CD86: variants seen among roughly 807,000 people sequenced by gnomAD.
CD86 encodes T-lymphocyte activation antigen CD86.
Under a neutral mutation model 32.1 loss-of-function variants are expected in CD86, and 11 were observed. The observed-to-expected ratio is 0.34, with a 90% CI of 0.22 to 0.57. The LOEUF (loss-of-function observed/expected upper bound fraction) is 0.57, where lower values mean the gene tolerates loss of function less well. Among genes scored for constraint, CD86 ranks in the 20% least tolerant of loss-of-function variants. The pLI, the probability that CD86 is intolerant of heterozygous loss-of-function variation, is 0.86. For synonymous variants in CD86, 137 were observed against 135.3 expected, an observed-to-expected ratio of 1.01 and a Z score of -0.09; for missense variants, 359 against 398.4, an observed-to-expected ratio of 0.90 and a Z score of 0.84.
In CD86 at chr3:122,109,690, T is replaced by C. The variant is rs552968595; in HGVS notation, c.847+282T>C. Among the ~76,000 whole-genome samples the C allele has an allele frequency of 1.3e-4, 20 of 152,342 alleles. No homozygotes were observed. The South Asian group carries it at 4.1e-3, about 32-fold the overall frequency. On this transcript the variant is annotated intron_variant, in intron 5 of 6. Coordinates refer to ENST00000330540, the MANE Select transcript of CD86 (RefSeq NM_175862.5). ...TTATTACTTGCTTTATCTACCTCAC[T>C]TCATGAGGTTACTGTGACATATACA...
intron 2 of CD86, among the ~76,000 whole-genome samples, chr3:122,094,135 A>C (rs920717324): frequency 1.3e-5 from 2 of 152,202 alleles, no homozygotes; most frequent in African/African-American, 4.8e-5. Context: ...CCCAGCTCTC[A>C]AGATCTGGGA....
chr3:122,081,809 T>A (rs1403593493), intron 1 of CD86, among the ~76,000 whole-genome samples: 1 of 152,192 alleles, frequency 6.6e-6, no homozygotes, highest in Non-Finnish European at 1.5e-5. Context: ...GACTCACCTG[T>A]CAAAGCTCAG....
rs981251180 is a variant in CD86, at chr3:122,119,605, T to C, written c.*71T>C. The C allele has an allele frequency of 3.9e-5, 38 of 984,822 alleles. No individual in the cohort carries two copies. The highest frequency in any genetic ancestry group is 5.7e-5 in the Non-Finnish European group (36 of 629,312). The allele number at this position is 984,822 out of a possible 1,614,324, so 61.0% of individuals were successfully genotyped here. On this transcript the variant is annotated 3_prime_UTR_variant, in exon 7 of 7. Coordinates refer to ENST00000330540, the MANE Select transcript of CD86 (RefSeq NM_175862.5). ...CTTTGTAAGTTCCTGGGCAACCTTT[T>C]TGATTTCTTCCAGAAGGCAAAAAGA...
At chr3:122,101,512 AAAT>A (rs1244367555) in intron 2 of CD86, among the ~76,000 whole-genome samples, 14 of 26,772 alleles carry the variant, frequency 5.2e-4, no homozygotes, top group African/African-American at 1.3e-3. Context: ...AAAAAAAAAA[AAAT>A]ATATATATAT....
chr3:122,114,110 G>A (rs557126701), intron 5 of CD86, among the ~76,000 whole-genome samples: 72 of 152,006 alleles, frequency 4.7e-4, no homozygotes, highest in Non-Finnish European at 7.8e-4. Context: ...AATTAGCTGG[G>A]TGTGGTGGCA....
chr3:122,112,852 A>T (rs1054854882), intron 5 of CD86, among the ~76,000 whole-genome samples: 2 of 152,054 alleles, frequency 1.3e-5, no homozygotes, highest in African/African-American at 4.8e-5. Context: ...CAAAATTTTT[A>T]TTTGAATAGT....
chr3:122,106,441 C>A lies in CD86; in HGVS notation c.644C>A (p.Thr215Asn). ...TTCCCTGATGTTACGAGCAATATGA[C>A]CATCTTCTGTATTCTGGAAACTGAC... ...VSFPDVTSNM[T>N]IFCILETDKT... Residue 215 changes from threonine (T) to asparagine (N), a missense_variant, in exon 4 of 7, where the codon ACC becomes AAC. Thr to Asn is a moderately conservative substitution (Grantham distance 65). Transcript: ENST00000330540. 1 of 1,613,830 alleles carries A rather than the reference C, an allele frequency of 6.2e-7. No homozygotes were observed. Among genetic ancestry groups the A allele is most frequent in the East Asian group, 2.2e-5 (1 of 44,876 alleles).
intron 1 of CD86, among the ~76,000 whole-genome samples, chr3:122,068,622 A>G: frequency 6.6e-6 from 1 of 152,226 alleles, no homozygotes; most frequent in Non-Finnish European, 1.5e-5. Context: ...TTGAGTTCTG[A>G]AAGGTGACAT....
chr3:122,060,506 A>T (rs2072317325), intron 1 of CD86, among the ~76,000 whole-genome samples: 1 of 152,132 alleles, frequency 6.6e-6, no homozygotes, highest in South Asian at 2.1e-4. Flanking sequence ...AACAGAGCTG[A>T]GGTCAATGGC....
intron 2 of CD86, among the ~76,000 whole-genome samples, chr3:122,096,617 T>C (rs2072912548): frequency 6.6e-6 from 1 of 152,222 alleles, no homozygotes; most frequent in Admixed American, 6.5e-5. Flanking sequence ...ATTTCTTTAA[T>C]CCTCACAACA....
chr3:122,088,016 G>A (rs1187496316), intron 1 of CD86, among the ~76,000 whole-genome samples: 1 of 152,088 alleles, frequency 6.6e-6, no homozygotes, highest in East Asian at 1.9e-4. Context: ...TTGAATGAAA[G>A]GTGATTTGTT....
intron 1 of CD86, among the ~76,000 whole-genome samples, chr3:122,079,170 A>G (rs1462852508): frequency 6.6e-6 from 1 of 152,214 alleles, no homozygotes; most frequent in Non-Finnish European, 1.5e-5. Flanking sequence ...ATAGTGCTTT[A>G]AAGGGAAGGA....
intron 1 of CD86, among the ~76,000 whole-genome samples, chr3:122,059,060 A>G (rs2072284865): frequency 1.3e-5 from 2 of 152,176 alleles, no homozygotes; most frequent in South Asian, 4.2e-4. Flanking sequence ...GAAAAGACAG[A>G]TGGTGAATTC....
At chr3:122,069,552 T>C (rs971509094) in intron 1 of CD86, among the ~76,000 whole-genome samples, 3 of 152,166 alleles carry the variant, frequency 2.0e-5, no homozygotes, top group Non-Finnish European at 2.9e-5. Flanking sequence ...GCTCTGGATG[T>C]AGTCTTGCCG....
At chr3:122,073,944 T>C (rs2072523585) in intron 1 of CD86, among the ~76,000 whole-genome samples, 1 of 152,212 alleles carries the variant, frequency 6.6e-6, no homozygotes, top group Non-Finnish European at 1.5e-5. Context: ...AACTGGGTCA[T>C]GCAGGAGTCT....
chr3:122,091,257 C>T (rs2072813578), intron 1 of CD86, among the ~76,000 whole-genome samples: 1 of 152,142 alleles, frequency 6.6e-6, no homozygotes, highest in Admixed American at 6.5e-5. Context: ...TTTCTAGGCC[C>T]TTGGACATTT....
intron 1 of CD86, among the ~76,000 whole-genome samples, chr3:122,074,119 A>C (rs560760375): frequency 1.3e-5 from 2 of 152,330 alleles, no homozygotes; most frequent in East Asian, 3.9e-4. Flanking sequence ...CCCATGCCAC[A>C]GTGGGGAATG....
chr3:122,097,098 G>A (rs999262325), intron 2 of CD86, among the ~76,000 whole-genome samples: 9 of 152,094 alleles, frequency 5.9e-5, no homozygotes, highest in Admixed American at 1.3e-4. Flanking sequence ...TAACACTCTC[G>A]CGGACACTGG....
chr3:122,070,785 C>G (rs1008059239), intron 1 of CD86, among the ~76,000 whole-genome samples: 2 of 152,296 alleles, frequency 1.3e-5, no homozygotes, highest in African/African-American at 2.4e-5. Flanking sequence ...CAGCAACGTT[C>G]TATGTATAGC....
Sources: gnomAD v4.1 joint callset for allele counts (sites outside exome capture counted in the v4.1 genomes callset) on GRCh38, gnomAD v4.1.1 for gene constraint, MANE v1.5 for transcripts, NCBI Gene and HGNC (gene_info 2026-07-23, HGNC 2026-07-21) for gene names.